MCPH1: variants seen among roughly 807,000 people sequenced by gnomAD.
MCPH1 encodes the protein microcephalin 1, also known as microcephalin.
Under a neutral mutation model 84.5 loss-of-function variants are expected in MCPH1, and 104 were observed. The observed-to-expected ratio is 1.23, with a 90% CI of 1.05 to 1.45. The LOEUF (loss-of-function observed/expected upper bound fraction) is 1.45, where lower values mean the gene tolerates loss of function less well. Ranked by LOEUF, MCPH1 falls within the 40% of genes most tolerant of loss-of-function variation. The pLI is 0.00. For missense variants in MCPH1, 1,498 were observed against 1,005.7 expected (o/e 1.49, Z -6.62); for synonymous variants, 514 against 366.8 (o/e 1.40, Z -4.58).
In MCPH1 at chr8:6,506,160, G is replaced by T. The variant is rs191175391; in HGVS notation, c.2214+6231G>T. Among the ~76,000 whole-genome samples the T allele has an allele frequency of 7.3e-5, 11 of 151,484 alleles. No homozygotes were observed. In the South Asian group the frequency reaches 2.1e-3, roughly 29 times the overall value. On this transcript the variant is annotated intron_variant, in intron 12 of 13. Coordinates refer to ENST00000344683, the MANE Select transcript of MCPH1 (RefSeq NM_024596.5). Reference sequence around the variant, plus strand: ...TGATTCAGGTGAATGCAGATTGGACGGAAGTTTGCGTGTTCTATTCAGAAT... The same window carrying T: ...TGATTCAGGTGAATGCAGATTGGACTGAAGTTTGCGTGTTCTATTCAGAAT...
chr8:6,470,245 T>C (rs1807538648), intron 9 of MCPH1, among the ~76,000 whole-genome samples: 1 of 152,162 alleles, frequency 6.6e-6, no homozygotes, highest in Admixed American at 6.5e-5. Flanking sequence ...TTTGTACTTG[T>C]TTTTTCATTT....
chr8:6,418,446 A>G (rs1173837021), intron 3 of MCPH1, among the ~76,000 whole-genome samples: 1 of 152,010 alleles, frequency 6.6e-6, no homozygotes, highest in East Asian at 1.9e-4. Flanking sequence ...TAGTTCACCT[A>G]TATTTGTATA....
chr8:6,463,464 G>A (rs1806504403), intron 9 of MCPH1, among the ~76,000 whole-genome samples: 1 of 152,168 alleles, frequency 6.6e-6, no homozygotes, highest in Non-Finnish European at 1.5e-5. Flanking sequence ...ATTTCAGAGA[G>A]CTCTAATCAT....
At chr8:6,575,747 T>A (rs1403539239) in intron 12 of MCPH1, among the ~76,000 whole-genome samples, 1 of 152,116 alleles carries the variant, frequency 6.6e-6, no homozygotes, top group African/African-American at 2.4e-5. Context: ...GTGACAGATG[T>A]CTTTATAAGA....
At chr8:6,533,247 A>T (rs947165398) in intron 12 of MCPH1, among the ~76,000 whole-genome samples, 1 of 152,238 alleles carries the variant, frequency 6.6e-6, no homozygotes, top group Admixed American at 6.5e-5. Flanking sequence ...TTTTAGCATT[A>T]ACTGAAACAC....
intron 5 of MCPH1, among the ~76,000 whole-genome samples, chr8:6,438,425 C>G (rs2129554861): frequency 6.6e-6 from 1 of 152,112 alleles, no homozygotes; most frequent in East Asian, 1.9e-4. Context: ...TGCAAGGTAG[C>G]ATTCCAGAAA....
At chr8:6,426,107 C>T (rs987213953) in intron 3 of MCPH1, among the ~76,000 whole-genome samples, 2 of 152,204 alleles carry the variant, frequency 1.3e-5, no homozygotes, top group Admixed American at 6.5e-5. Context: ...CCACCCGCCT[C>T]CCTTTCCCAT....
chr8:6,505,436 AT>A (rs1563307086), intron 12 of MCPH1, among the ~76,000 whole-genome samples: 1 of 80,446 alleles, frequency 1.2e-5, no homozygotes, highest in Non-Finnish European at 2.6e-5. Context: ...GAATATATAT[AT>A]TCTTTATATA....
At chr8:6,554,327 G>A (rs1824206456) in intron 12 of MCPH1, among the ~76,000 whole-genome samples, 1 of 151,588 alleles carries the variant, frequency 6.6e-6, no homozygotes, top group Admixed American at 6.6e-5. Context: ...AAATGGAAAG[G>A]CTGGCTGCTT....
intron 12 of MCPH1, among the ~76,000 whole-genome samples, chr8:6,519,140 G>A (rs142068268): frequency 3.0e-4 from 45 of 152,274 alleles, no homozygotes; most frequent in African/African-American, 9.9e-4. Context: ...GGTGTGTTTC[G>A]AGTCTTCCAG....
At chr8:6,452,985 G>A (rs1272725154) in intron 8 of MCPH1, among the ~76,000 whole-genome samples, 3 of 152,220 alleles carry the variant, frequency 2.0e-5, no homozygotes, top group Non-Finnish European at 2.9e-5. Flanking sequence ...CAGCTGGGAG[G>A]TCTAGACAAG....
intron 9 of MCPH1, 73 bp from the exon 10 acceptor site, chr8:6,477,521 A>G: frequency 2.2e-6 from 3 of 1,355,998 alleles, no homozygotes; most frequent in Non-Finnish European, 3.2e-6. Flanking sequence ...AACTTATTAC[A>G]GTTTATTTCT....
intron 12 of MCPH1, among the ~76,000 whole-genome samples, chr8:6,588,776 T>G (rs1057191454): frequency 4.6e-5 from 7 of 152,242 alleles, no homozygotes; most frequent in African/African-American, 1.7e-4. Flanking sequence ...CTTCTGCTCC[T>G]CTCTCCTCTC....
At chr8:6,535,298 A>G (rs1820280729) in intron 12 of MCPH1, among the ~76,000 whole-genome samples, 1 of 152,246 alleles carries the variant, frequency 6.6e-6, no homozygotes, top group Non-Finnish European at 1.5e-5. Context: ...AGGATTGTTT[A>G]TAATTGAAAA....
intron 12 of MCPH1, among the ~76,000 whole-genome samples, chr8:6,535,726 G>A (rs989726460): frequency 6.6e-6 from 1 of 152,096 alleles, no homozygotes; most frequent in Non-Finnish European, 1.5e-5. Flanking sequence ...CCAAAAATGT[G>A]CAGTAGTAGA....
chr8:6,572,659 A>G (rs7820827), intron 12 of MCPH1, among the ~76,000 whole-genome samples: 19,176 of 152,272 alleles, frequency 0.13, 1,931 homozygotes, highest in African/African-American at 0.28. Flanking sequence ...CTGTCTCTGT[A>G]TCCTCAGGTG....
intron 1 of MCPH1, chr8:6,407,149 G>T: frequency 4.4e-6 from 1 of 226,770 alleles, no homozygotes; most frequent in Non-Finnish European, 8.8e-6. Flanking sequence ...CCTGCCCTCC[G>T]GAAGTTGGTG....
chr8:6,455,046 C>T, intron 8 of MCPH1, 97 bp from the exon 9 acceptor site: 15 of 901,382 alleles, frequency 1.7e-5, no homozygotes, highest in Non-Finnish European at 2.8e-5. Flanking sequence ...CCTATAACTT[C>T]CTGTTTCCAT....
intron 12 of MCPH1, among the ~76,000 whole-genome samples, chr8:6,571,009 GA>G (rs201753191): frequency 8.6e-5 from 13 of 150,508 alleles, no homozygotes; most frequent in African/African-American, 7.3e-5. Context: ...TATTTTTTAA[GA>G]AAAAAAAATT....
Sources: allele counts gnomAD v4.1 joint callset (sites outside exome capture counted in the v4.1 genomes callset), GRCh38; gene constraint gnomAD v4.1.1; transcripts MANE v1.5; gene names NCBI Gene and HGNC (gene_info 2026-07-23, HGNC 2026-07-21).